The following PTPRO variants were observed in gnomAD, a reference collection of about 807,000 sequenced individuals.
The protein encoded by PTPRO is receptor-type tyrosine-protein phosphatase O.
PTPRO carries 62 observed loss-of-function variants against 145.2 expected under a neutral mutation model. The observed-to-expected ratio is 0.43, with a 90% CI of 0.35 to 0.53. The LOEUF (loss-of-function observed/expected upper bound fraction) is 0.53. PTPRO is among the 20% of genes least tolerant of loss of function. PTPRO has a pLI of 0.01. For missense variants in PTPRO, 1,345 were observed against 1,482.7 expected, an observed-to-expected ratio of 0.91 and a Z score of 1.53; for synonymous variants, 565 against 514.7, an observed-to-expected ratio of 1.10 and a Z score of -1.32.
intron 17 of PTPRO, among the ~76,000 whole-genome samples, chr12:15,564,294 C>A (rs1943845545): frequency 6.6e-6 from 1 of 152,218 alleles, no homozygotes; most frequent in Non-Finnish European, 1.5e-5. Context: ...ATTTTCTCTT[C>A]ATCCACAAGT....
intron 12 of PTPRO, among the ~76,000 whole-genome samples, chr12:15,544,397 C>T (rs1171875679): frequency 6.7e-6 from 1 of 148,600 alleles, no homozygotes; most frequent in Admixed American, 6.9e-5. Context: ...CTCAGCTACT[C>T]AGGAGGCTGA....
At chr12:15,450,819 A>G (rs1420027181) in intron 1 of PTPRO, among the ~76,000 whole-genome samples, 1 of 152,120 alleles carries the variant, frequency 6.6e-6, no homozygotes, top group African/African-American at 2.4e-5. Flanking sequence ...CCAGCACTAC[A>G]AGAACTGCTA....
chr12:15,360,887 CATGTGT>C (rs1460850832), intron 1 of PTPRO, among the ~76,000 whole-genome samples: 2 of 106,268 alleles, frequency 1.9e-5, no homozygotes, highest in East Asian at 2.5e-4. Flanking sequence ...CACACATACA[CATGTGT>C]ATATACACAC....
rs1183882827 is a variant in PTPRO, at chr12:15,322,856, C to T, written c.75+55C>T. 3.2e-6 allele frequency: 5 copies of T among 1,560,240 alleles called. No individual in the cohort carries two copies. Among genetic ancestry groups the T allele is most frequent in the African/African-American group, 2.7e-5 (2 of 72,926 alleles). The stretch of plus-strand genomic sequence containing the variant: ...AGCGGTCCGGGCGGCAGCCGCGCTC[C>T]GGCGCCCTCGCTCTGCCGTTGGGAG... On this transcript the variant is annotated intron_variant, in intron 1 of 26. Coordinates refer to ENST00000281171, the MANE Select transcript of PTPRO (RefSeq NM_030667.3). This position sits in a 1 kb window ranked among gnomAD's most constrained non-coding sequence, Gnocchi z 6.3.
intron 1 of PTPRO, among the ~76,000 whole-genome samples, chr12:15,360,883 TAC>T (rs1227332421): frequency 1.2e-4 from 16 of 135,514 alleles, no homozygotes; most frequent in African/African-American, 4.1e-4. Flanking sequence ...TATACACACA[TAC>T]ACATGTGTAT....
chr12:15,498,846 G>T (rs992075599), intron 3 of PTPRO, among the ~76,000 whole-genome samples: 54 of 152,010 alleles, frequency 3.6e-4, no homozygotes, highest in African/African-American at 1.3e-3. Flanking sequence ...ACTATTTTTA[G>T]ATTTCAATTC....
chr12:15,502,471 A>G (rs1243712946), intron 5 of PTPRO, among the ~76,000 whole-genome samples: 5 of 152,228 alleles, frequency 3.3e-5, no homozygotes, highest in African/African-American at 1.2e-4. Flanking sequence ...CAGCAAAGTA[A>G]TACTTATGAA....
At chr12:15,587,151 T>C (rs1350836983) in intron 24 of PTPRO, 100 bp downstream of exon 24, 1 of 1,298,602 alleles carries the variant, frequency 7.7e-7, no homozygotes, top group Non-Finnish European at 1.1e-6. Flanking sequence ...TAGTTGAAAA[T>C]TAAATAAACT....
chr12:15,586,793 T>C, intron 23 of PTPRO, 104 bp from the exon 24 acceptor site: 4 of 1,285,366 alleles, frequency 3.1e-6, no homozygotes, highest in Non-Finnish European at 4.5e-6. Flanking sequence ...TGACCAGGAG[T>C]GGAACGTGGC....
intron 23 of PTPRO, among the ~76,000 whole-genome samples, chr12:15,583,457 C>A (rs1358656048): frequency 6.7e-6 from 1 of 149,188 alleles, no homozygotes; most frequent in Non-Finnish European, 1.5e-5. Flanking sequence ...TCAGCCTGGG[C>A]AACAAGAGCA....
chr12:15,518,899 T>A (rs1272519253), intron 9 of PTPRO, among the ~76,000 whole-genome samples: 1 of 152,194 alleles, frequency 6.6e-6, no homozygotes, highest in Non-Finnish European at 1.5e-5. Flanking sequence ...TCCCACATTT[T>A]ACTGTCTTCT....
At chr12:15,482,316 C>T (rs1458011906) in intron 1 of PTPRO, among the ~76,000 whole-genome samples, 1 of 151,990 alleles carries the variant, frequency 6.6e-6, no homozygotes, top group East Asian at 1.9e-4. Flanking sequence ...CGTTTTTACT[C>T]ACAATGCTAA....
Position 15,501,645 on chromosome 12 carries a change from C to A in PTPRO, c.687C>A (p.Ser229=). ...CCCCTTATCCACCTCAAAATATTTC[C>A]GTTCGTATCGTAAACTTGAACAAAA... ...RTAPYPPQNI[S]VRIVNLNKNN... Residue 229 remains serine (S), a synonymous_variant, in exon 5 of 27, where the codon TCC becomes TCA. Transcript: ENST00000281171. 2.5e-6 allele frequency: 4 copies of A among 1,613,748 alleles called. No individual in the cohort carries two copies. The highest frequency in any genetic ancestry group is 3.4e-6 in the Non-Finnish European group (4 of 1,179,764).
intron 1 of PTPRO, among the ~76,000 whole-genome samples, chr12:15,483,587 C>A (rs1257493645): frequency 6.6e-6 from 1 of 152,104 alleles, no homozygotes. Context: ...CTTCTTTAAA[C>A]CATGTAACTT....
intron 1 of PTPRO, among the ~76,000 whole-genome samples, chr12:15,453,039 A>G (rs530189240): frequency 6.6e-6 from 1 of 152,130 alleles, no homozygotes; most frequent in South Asian, 2.1e-4. Flanking sequence ...TTTTCTTGGT[A>G]GAAGAATAAG....
intron 1 of PTPRO, among the ~76,000 whole-genome samples, chr12:15,339,451 T>A (rs1276671725): frequency 6.6e-6 from 1 of 152,156 alleles, no homozygotes; most frequent in East Asian, 1.9e-4. Flanking sequence ...TCAGCAGTGG[T>A]GTGCAGGAAA....
At chr12:15,411,381 A>G (rs1420319972) in intron 1 of PTPRO, among the ~76,000 whole-genome samples, 1 of 152,250 alleles carries the variant, frequency 6.6e-6, no homozygotes, top group Non-Finnish European at 1.5e-5. Context: ...CTGACCAAAG[A>G]AAGTTTTCTT....
At chr12:15,431,834 G>A (rs1044299516) in intron 1 of PTPRO, among the ~76,000 whole-genome samples, 2 of 152,044 alleles carry the variant, frequency 1.3e-5, no homozygotes, top group East Asian at 1.9e-4. Context: ...TTTTGAACCT[G>A]CTTTTCCAAT....
chr12:15,572,677 G>T (rs942937441), intron 19 of PTPRO, among the ~76,000 whole-genome samples: 2 of 152,008 alleles, frequency 1.3e-5, no homozygotes, highest in East Asian at 1.9e-4. Context: ...TTTGGAGTTT[G>T]TACAGAAGTT....
Sources: gnomAD v4.1 joint callset for allele counts (sites outside exome capture counted in the v4.1 genomes callset) on GRCh38, gnomAD v4.1.1 for gene constraint, Gnocchi (gnomAD v3.1) non-coding constraint, MANE v1.5 for transcripts, NCBI Gene and HGNC (gene_info 2026-07-23, HGNC 2026-07-21) for gene names.